The following ATG7 variants were observed in gnomAD, a reference collection of about 807,000 sequenced individuals.
The protein encoded by ATG7 is autophagy related 7.
A neutral mutation model predicts 82.4 loss-of-function variants in ATG7; 70 were observed. That is an observed-to-expected ratio of 0.85 (90% CI 0.70 to 1.04). The LOEUF (loss-of-function observed/expected upper bound fraction) is 1.04, where lower values mean the gene tolerates loss of function less well. Ranked by LOEUF, ATG7 falls within the 50% of genes least tolerant of loss-of-function variation. The pLI is 0.00. For synonymous variants in ATG7, 287 were observed against 313.0 expected, an observed-to-expected ratio of 0.92 and a Z score of 0.88; for missense variants, 792 against 864.3, an observed-to-expected ratio of 0.92 and a Z score of 1.05.
chr3:11,555,234 G>A lies in ATG7; in HGVS notation c.*391G>A. ...CTGCCCAGAGCCACTGCGGGAGGTG[G>A]CACCCTCATCCCCGGAATGTGCTGC... is the stretch of plus-strand genomic sequence containing the variant. On this transcript the variant is annotated 3_prime_UTR_variant, in exon 21 of 21. Transcript: ENST00000693202. 2 of 200,738 alleles carry A rather than the reference G, an allele frequency of 1.0e-5. No individual in the cohort carries two copies. Among genetic ancestry groups the A allele is most frequent in the Non-Finnish European group, 1.0e-5 (1 of 100,210 alleles). The allele number at this position is 200,738 out of a possible 1,614,324, so 12.4% of individuals were successfully genotyped here. A position where few individuals can be genotyped will look rare whatever the true frequency, so the allele number is the denominator to read the frequency against.
At chr3:11,351,043 GC>G (rs1475818380) in intron 14 of ATG7, among the ~76,000 whole-genome samples, 2 of 150,946 alleles carry the variant, frequency 1.3e-5, no homozygotes, top group Non-Finnish European at 2.9e-5. Context: ...CTTATTAGAT[GC>G]CTGAAATTTT....
intron 9 of ATG7, among the ~76,000 whole-genome samples, chr3:11,316,497 A>C (rs971928897): frequency 2.6e-5 from 4 of 152,222 alleles, no homozygotes; most frequent in Admixed American, 2.6e-4. Flanking sequence ...ACTGTGAAGC[A>C]TTATCATGGT....
chr3:11,469,172 G>C (rs1409938206), intron 20 of ATG7, among the ~76,000 whole-genome samples: 1 of 152,168 alleles, frequency 6.6e-6, no homozygotes, highest in African/African-American at 2.4e-5. Context: ...AAATAAGGCC[G>C]GGTGCAGTGG....
chr3:11,444,980 G>T (rs1363532034), intron 20 of ATG7, among the ~76,000 whole-genome samples: 1 of 152,174 alleles, frequency 6.6e-6, no homozygotes, highest in African/African-American at 2.4e-5. Flanking sequence ...AGTCATTAGA[G>T]AAATACAAAT....
At chr3:11,443,720 A>G (rs1201210680) in intron 20 of ATG7, among the ~76,000 whole-genome samples, 2 of 152,194 alleles carry the variant, frequency 1.3e-5, no homozygotes, top group Non-Finnish European at 2.9e-5. Context: ...GGTTTGTATT[A>G]TTACTTGTGA....
At chr3:11,312,524 A>G (rs1948824737) in intron 7 of ATG7, among the ~76,000 whole-genome samples, 2 of 152,178 alleles carry the variant, frequency 1.3e-5, no homozygotes, top group Non-Finnish European at 2.9e-5. Flanking sequence ...TACTACTTAG[A>G]GCCTCTCCAT....
At chr3:11,544,329 C>G (rs1196356137) in intron 20 of ATG7, among the ~76,000 whole-genome samples, 1 of 152,212 alleles carries the variant, frequency 6.6e-6, no homozygotes, top group Non-Finnish European at 1.5e-5. Flanking sequence ...AGACCTGGGT[C>G]CAGCAAGGGA....
At chr3:11,527,539 A>G (rs1176480734) in intron 20 of ATG7, among the ~76,000 whole-genome samples, 1 of 152,114 alleles carries the variant, frequency 6.6e-6, no homozygotes, top group Non-Finnish European at 1.5e-5. Context: ...GCACTGAACT[A>G]TTTTTCATGC....
chr3:11,364,644 G>T lies in ATG7; in HGVS notation c.1800-15G>T. On this transcript the variant is annotated splice_polypyrimidine_tract_variant and intron_variant, in intron 17 of 20. Transcript: ENST00000693202. ...TTGGATTAAATGAGCAGCTCTGATT[G>T]TTTCCTGTCCTCAGGGGCTATGCCA... 6.2e-7 allele frequency: 1 copy of T among 1,613,838 alleles called. No individual in the cohort carries two copies. Among genetic ancestry groups the T allele is most frequent in the Non-Finnish European group, 8.5e-7 (1 of 1,179,746 alleles).
At chr3:11,523,132 T>G (rs2092484535) in intron 20 of ATG7, among the ~76,000 whole-genome samples, 1 of 152,224 alleles carries the variant, frequency 6.6e-6, no homozygotes, top group Non-Finnish European at 1.5e-5. Context: ...CCAATCCAAG[T>G]CATCCCTGAG....
At chr3:11,388,111 A>G (rs912093769) in intron 19 of ATG7, among the ~76,000 whole-genome samples, 1 of 152,158 alleles carries the variant, frequency 6.6e-6, no homozygotes, top group Admixed American at 6.5e-5. Flanking sequence ...ACACTAGGAT[A>G]TGAGAGTTGC....
downstream of ATG7, among the ~76,000 whole-genome samples, chr3:11,562,042 C>T (rs1462910770): frequency 6.6e-6 from 1 of 151,954 alleles, no homozygotes; most frequent in Admixed American, 6.6e-5. Context: ...GGATTACAGG[C>T]ACCCACCACC....
At chr3:11,360,870 C>G in intron 16 of ATG7, 86 bp downstream of exon 16, 1 of 1,349,022 alleles carries the variant, frequency 7.4e-7, no homozygotes, top group Non-Finnish European at 1.0e-6. Flanking sequence ...TCATTTATGA[C>G]TATTTAAATA....
At chr3:11,317,091 C>T (rs1352141111) in intron 9 of ATG7, among the ~76,000 whole-genome samples, 3 of 152,122 alleles carry the variant, frequency 2.0e-5, no homozygotes, top group Non-Finnish European at 2.9e-5. Flanking sequence ...CCGCCCACCT[C>T]GGCCTCCCAA....
chr3:11,536,957 C>T (rs1440794460), intron 20 of ATG7, among the ~76,000 whole-genome samples: 2 of 152,154 alleles, frequency 1.3e-5, no homozygotes, highest in Non-Finnish European at 2.9e-5. Context: ...CGTATACTCC[C>T]CTCCATGTCT....
At chr3:11,354,097 TTCCAGTATGTCAAATGTCAGC>T (rs748534871) in intron 14 of ATG7, among the ~76,000 whole-genome samples, 7 of 152,212 alleles carry the variant, frequency 4.6e-5, no homozygotes, top group Non-Finnish European at 1.0e-4. Flanking sequence ...GCCCCAGACC[TTCCAGTATGTCAAATGTCAGC>T]TCATAAGAAA....
downstream of ATG7, chr3:11,559,211 C>CTT (rs1321412825): frequency 7.0e-7 from 1 of 1,422,642 alleles, no homozygotes; most frequent in East Asian, 2.5e-5. Flanking sequence ...TCAAGAAATA[C>CTT]TTTTTCAACC....
At chr3:11,320,645 T>G (rs907243758) in intron 9 of ATG7, among the ~76,000 whole-genome samples, 1 of 152,266 alleles carries the variant, frequency 6.6e-6, no homozygotes, top group Non-Finnish European at 1.5e-5. Context: ...CCCATTTAAA[T>G]GTAAGCTCTA....
rs1363436324 is a variant in ATG7 at position 11,442,756 on chromosome 3, A to C, written c.2079+15830A>C. 8.2e-5 allele frequency among the ~76,000 whole-genome samples: 12 copies of C among 145,856 alleles called. No individual in the cohort carries two copies. In the South Asian group the frequency reaches 1.1e-3, roughly 13 times the overall value. ...CATCTCTACAAAAAAAAAAAAAAAA[A>C]AAAAAAAAAAAAAAATTAGCCAGGT... On this transcript the variant is annotated intron_variant, in intron 20 of 20. Transcript: ENST00000693202.
Sources: allele counts gnomAD v4.1 joint callset (sites outside exome capture counted in the v4.1 genomes callset), GRCh38; gene constraint gnomAD v4.1.1; transcripts MANE v1.5; gene names NCBI Gene and HGNC (gene_info 2026-07-23, HGNC 2026-07-21).